The following KCTD8 variants were observed in gnomAD, a reference collection of about 807,000 sequenced individuals.
KCTD8 encodes the protein potassium channel tetramerization domain containing 8.
Under a neutral mutation model 31.5 loss-of-function variants are expected in KCTD8, and 27 were observed. That is an observed-to-expected ratio of 0.86 (90% CI 0.63 to 1.18). The LOEUF is 1.18. KCTD8 is among the 50% of genes most tolerant of loss of function. The probability of loss-of-function intolerance (pLI) is 0.00; values close to 1 mark genes in which losing one functional copy is unlikely to be tolerated. For missense variants in KCTD8, 658 were observed against 647.7 expected (o/e 1.02, Z -0.17); for synonymous variants, 290 against 280.0 (o/e 1.04, Z -0.36).
At chr4:44,319,436 A>T (rs1690212829) in intron 1 of KCTD8, among the ~76,000 whole-genome samples, 1 of 151,712 alleles carries the variant, frequency 6.6e-6, no homozygotes, top group Admixed American at 6.6e-5. Flanking sequence ...AAAGTAGAGG[A>T]TTTAGGGACT....
intron 1 of KCTD8, among the ~76,000 whole-genome samples, chr4:44,269,845 C>G (rs1407653017): frequency 6.6e-6 from 1 of 152,098 alleles, no homozygotes; most frequent in East Asian, 1.9e-4. Context: ...AATGAGATAC[C>G]ATCTCACACC....
At chr4:44,412,411 G>A (rs995669259) in intron 1 of KCTD8, among the ~76,000 whole-genome samples, 2 of 152,102 alleles carry the variant, frequency 1.3e-5, no homozygotes, top group African/African-American at 2.4e-5. Flanking sequence ...AACTTCCAAG[G>A]CTATGCAGAA....
chr4:44,323,502 C>CCA (rs1553901398), intron 1 of KCTD8, among the ~76,000 whole-genome samples: 9 of 125,402 alleles, frequency 7.2e-5, no homozygotes, highest in Non-Finnish European at 1.3e-4. Context: ...CCCCACCCAC[C>CCA]CCCCCCCAAA....
intron 1 of KCTD8, among the ~76,000 whole-genome samples, chr4:44,252,595 A>G (rs1715875142): frequency 6.6e-6 from 1 of 151,552 alleles, no homozygotes; most frequent in South Asian, 2.1e-4. Flanking sequence ...GCTTTTTTGT[A>G]TGTGTTGAGA....
intron 1 of KCTD8, among the ~76,000 whole-genome samples, chr4:44,376,066 T>C (rs1719909828): frequency 6.6e-6 from 1 of 152,138 alleles, no homozygotes; most frequent in African/African-American, 2.4e-5. Context: ...CAATTATTGT[T>C]TCTCTGAAAC....
chr4:44,288,872 A>G (rs1717179172), intron 1 of KCTD8, among the ~76,000 whole-genome samples: 1 of 151,980 alleles, frequency 6.6e-6, no homozygotes, highest in Non-Finnish European at 1.5e-5. Context: ...GCAGGTAACA[A>G]TCCTTGTTAA....
intron 1 of KCTD8, among the ~76,000 whole-genome samples, chr4:44,408,988 A>G (rs1223265790): frequency 6.6e-6 from 1 of 151,460 alleles, no homozygotes; most frequent in Admixed American, 6.6e-5. Context: ...CACACCTGTA[A>G]CCCTAGTACT....
intron 1 of KCTD8, among the ~76,000 whole-genome samples, chr4:44,372,185 T>C (rs1317114899): frequency 6.6e-6 from 1 of 152,128 alleles, no homozygotes; most frequent in Non-Finnish European, 1.5e-5. Context: ...GTCCTTACTA[T>C]CCAGGGGCTG....
chr4:44,279,219 C>T (rs1716832151), intron 1 of KCTD8, among the ~76,000 whole-genome samples: 1 of 152,060 alleles, frequency 6.6e-6, no homozygotes, highest in Admixed American at 6.6e-5. Context: ...CTCACAGTTT[C>T]AGTGAGTCAA....
At position 44,371,986 on chromosome 4, in the gene KCTD8, G is replaced by A. The variant is rs142217387; in HGVS notation, c.961+75577C>T. Among the ~76,000 whole-genome samples the A allele has an allele frequency of 5.8e-3, 876 of 152,100 alleles. 10 individuals are homozygous for A. Among genetic ancestry groups the A allele is most frequent in the African/African-American group, 0.02 (813 of 41,508 alleles). On this transcript the variant is annotated intron_variant, in intron 1 of 1. Transcript: ENST00000360029. The stretch of plus-strand genomic sequence containing the variant: ...GTTACATTTTTCTGATCCTCTACTG[G>A]AAAACAATATTGTCTATGAAATGGT...
intron 1 of KCTD8, among the ~76,000 whole-genome samples, chr4:44,320,170 C>CAAAAAAAAAAA (rs35250421): frequency 2.2e-4 from 7 of 31,918 alleles, no homozygotes; most frequent in Admixed American, 1.3e-3. Context: ...GCCTCCATCT[C>CAAAAAAAAAAA]AAAAAAAAAA....
intron 1 of KCTD8, among the ~76,000 whole-genome samples, chr4:44,337,775 T>C (rs1442169684): frequency 6.6e-6 from 1 of 151,662 alleles, no homozygotes; most frequent in Non-Finnish European, 1.5e-5. Context: ...CATTGTTGAG[T>C]GTGTAAAATG....
chr4:44,415,823 T>A (rs1335454663), intron 1 of KCTD8, among the ~76,000 whole-genome samples: 1 of 152,042 alleles, frequency 6.6e-6, no homozygotes, highest in Non-Finnish European at 1.5e-5. Flanking sequence ...GTTACAGGGG[T>A]GAAGCACCCA....
intron 1 of KCTD8, among the ~76,000 whole-genome samples, chr4:44,408,004 T>C (rs1397328660): frequency 1.3e-5 from 2 of 152,148 alleles, no homozygotes; most frequent in Non-Finnish European, 2.9e-5. Context: ...AGATCTTCTC[T>C]GACACTTTTC....
At chr4:44,219,791 AT>A (rs1714753929) in intron 1 of KCTD8, among the ~76,000 whole-genome samples, 1 of 152,142 alleles carries the variant, frequency 6.6e-6, no homozygotes, top group African/African-American at 2.4e-5. Context: ...TATTAGAGAT[AT>A]TTTTTGGTCA....
chr4:44,292,708 A>T (rs569132949), intron 1 of KCTD8, among the ~76,000 whole-genome samples: 8 of 152,128 alleles, frequency 5.3e-5, no homozygotes, highest in Non-Finnish European at 1.2e-4. Flanking sequence ...ACAACTAGGT[A>T]TGTTGAGGGA....
At chr4:44,347,976 T>C (rs1438425354) in intron 1 of KCTD8, among the ~76,000 whole-genome samples, 1 of 152,184 alleles carries the variant, frequency 6.6e-6, no homozygotes, top group Non-Finnish European at 1.5e-5. Context: ...AATAATGTTA[T>C]ATGAATATCA....
chr4:44,269,599 A>G (rs1279468489), intron 1 of KCTD8, among the ~76,000 whole-genome samples: 1 of 152,152 alleles, frequency 6.6e-6, no homozygotes, highest in South Asian at 2.1e-4. Context: ...CAGAGTGAAC[A>G]GGTAACCTAC....
At chr4:44,334,382 T>C (rs911092238) in intron 1 of KCTD8, among the ~76,000 whole-genome samples, 6 of 151,234 alleles carry the variant, frequency 4.0e-5, no homozygotes, top group Admixed American at 1.3e-4. Flanking sequence ...AGGAAGAAAT[T>C]AAATTATACA....
Sources: gnomAD v4.1 joint callset for allele counts (sites outside exome capture counted in the v4.1 genomes callset) on GRCh38, gnomAD v4.1.1 for gene constraint, MANE v1.5 for transcripts, NCBI Gene and HGNC (gene_info 2026-07-23, HGNC 2026-07-21) for gene names.